The following MORC1 variants were observed in gnomAD, a reference collection of about 807,000 sequenced individuals.
MORC1 encodes the protein MORC family CW-type zinc finger protein 1.
Under a neutral mutation model 134.9 loss-of-function variants are expected in MORC1, and 59 were observed. The ratio of observed to expected loss-of-function variants is 0.44; its 90% CI spans 0.35 to 0.54. The LOEUF is 0.54. Among genes scored for constraint, MORC1 ranks in the 20% least tolerant of loss-of-function variants. The pLI is 0.00. For missense variants in MORC1, 947 were observed against 1,134.5 expected (o/e 0.83, Z 2.37); for synonymous variants, 395 against 391.7 (o/e 1.01, Z -0.10).
intron 17 of MORC1, among the ~76,000 whole-genome samples, chr3:109,009,412 GC>G (rs1202970269): frequency 6.6e-6 from 1 of 151,866 alleles, no homozygotes; most frequent in Non-Finnish European, 1.5e-5. Flanking sequence ...CACCATGTTG[GC>G]CAGGATGGTC....
chr3:108,997,494 G>A (rs1948266682), intron 21 of MORC1, among the ~76,000 whole-genome samples: 1 of 151,764 alleles, frequency 6.6e-6, no homozygotes, highest in South Asian at 2.1e-4. Context: ...GGTGACACAG[G>A]GAGACTCTGT....
intron 15 of MORC1, 64 bp from the exon 16 acceptor site, chr3:109,032,889 C>A: frequency 9.7e-7 from 1 of 1,027,560 alleles, no homozygotes; most frequent in South Asian, 1.4e-5. Context: ...AGTAAGATGT[C>A]AGTTTGCACA....
intron 6 of MORC1, among the ~76,000 whole-genome samples, chr3:109,096,292 C>A (rs1020142253): frequency 6.6e-6 from 1 of 152,100 alleles, no homozygotes. Context: ...ACCTACTGGG[C>A]TGCATGTTCA....
At chr3:109,096,767 C>A (rs1188680309) in intron 6 of MORC1, among the ~76,000 whole-genome samples, 3 of 152,134 alleles carry the variant, frequency 2.0e-5, no homozygotes, top group Non-Finnish European at 4.4e-5. Context: ...TATGAACTCG[C>A]CCTGAATTCC....
intron 16 of MORC1, among the ~76,000 whole-genome samples, chr3:109,031,873 G>A (rs913809598): frequency 6.6e-6 from 1 of 152,052 alleles, no homozygotes; most frequent in Non-Finnish European, 1.5e-5. Context: ...AAACAAGAAA[G>A]GGATACGAAA....
chr3:109,110,479 G>C (rs368669998), intron 3 of MORC1: 3 of 377,536 alleles, frequency 7.9e-6, no homozygotes, highest in African/African-American at 6.3e-5. Context: ...TGTTTCTCAT[G>C]GCAGGCAAAT....
chr3:109,033,222 G>A (rs2107610764), intron 15 of MORC1, among the ~76,000 whole-genome samples: 1 of 151,522 alleles, frequency 6.6e-6, no homozygotes, highest in East Asian at 1.9e-4. Flanking sequence ...ACATAAGAAG[G>A]AAAACCATGA....
intron 20 of MORC1, among the ~76,000 whole-genome samples, chr3:109,000,977 T>C (rs1319643562): frequency 1.3e-5 from 2 of 152,166 alleles, no homozygotes; most frequent in Admixed American, 1.3e-4. Context: ...AGTAATCAAA[T>C]GTTGTTTCAA....
intron 9 of MORC1, 133 bp downstream of exon 9, chr3:109,069,499 A>T (rs144967629): frequency 1.2e-5 from 10 of 848,956 alleles, no homozygotes; most frequent in Non-Finnish European, 1.0e-5. Flanking sequence ...CCCTTCCTGG[A>T]TGTGGTTTAA....
At chr3:109,101,475 C>T (rs2107780641) in intron 4 of MORC1, 1 of 152,314 alleles carries the variant, frequency 6.6e-6, no homozygotes, top group Non-Finnish European at 1.5e-5. Flanking sequence ...GTTGGCCTAC[C>T]TGAATACATG....
chr3:109,049,201 T>A, intron 14 of MORC1: 2 of 974,216 alleles, frequency 2.1e-6, no homozygotes, highest in Non-Finnish European at 2.4e-6. Flanking sequence ...GAGACTAAAT[T>A]GCATCATATG....
At position 109,095,913 on chromosome 3, in the gene MORC1, A is replaced by C. The variant is rs182216347; in HGVS notation, c.424-845T>G. 1.2e-4 allele frequency among the ~76,000 whole-genome samples: 18 copies of C among 152,224 alleles called. 1 individual carries two copies. The East Asian group carries it at 3.5e-3, about 29-fold the overall frequency. ...CCCCACTCACAGTCTCAGAGCTTGC[A>C]CTCGTCATTTTACTGGACTTATCTT... On this transcript the variant is annotated intron_variant, in intron 6 of 27. Coordinates refer to ENST00000232603, the MANE Select transcript of MORC1 (RefSeq NM_014429.4).
chr3:108,996,286 G>GCGCGCGCACACACA, intron 21 of MORC1, among the ~76,000 whole-genome samples: 120 of 146,468 alleles, frequency 8.2e-4, no homozygotes, highest in South Asian at 1.8e-3. Context: ...GCGCGCGCGC[G>GCGCGCGCACACACA]CACACACACA....
intron 2 of MORC1, among the ~76,000 whole-genome samples, chr3:109,112,556 T>C (rs562335639): frequency 8.0e-4 from 122 of 152,222 alleles, no homozygotes; most frequent in African/African-American, 2.7e-3. Flanking sequence ...GTTGAGGCTG[T>C]CCACGGGGGA....
chr3:109,117,913 T>C, intron 1 of MORC1, 82 bp downstream of exon 1: 2 of 1,106,124 alleles, frequency 1.8e-6, no homozygotes, highest in Non-Finnish European at 2.7e-6. Context: ...ACTTGCTGAG[T>C]ATTCCTCAGG....
chr3:109,070,961 C>T (rs1950303553), intron 8 of MORC1, among the ~76,000 whole-genome samples: 1 of 152,180 alleles, frequency 6.6e-6, no homozygotes, highest in African/African-American at 2.4e-5. Context: ...TAGTCCATCA[C>T]TCTTATTCCC....
chr3:109,109,443 T>A (rs372542235), intron 3 of MORC1, among the ~76,000 whole-genome samples: 42 of 152,292 alleles, frequency 2.8e-4, no homozygotes, highest in African/African-American at 1.0e-3. Flanking sequence ...TCATAATTAT[T>A]ACCTAGACAG....
chr3:109,083,267 T>A (rs1950556073), intron 8 of MORC1, among the ~76,000 whole-genome samples: 1 of 145,326 alleles, frequency 6.9e-6, no homozygotes. Context: ...CAAGAAATGC[T>A]AAAAGTATTT....
chr3:109,063,839 C>G (rs1265511644), intron 9 of MORC1, among the ~76,000 whole-genome samples: 1 of 152,012 alleles, frequency 6.6e-6, no homozygotes, highest in East Asian at 1.9e-4. Flanking sequence ...GTGAGAAAAG[C>G]TCTACAGAAC....
Sources: allele counts gnomAD v4.1 joint callset (sites outside exome capture counted in the v4.1 genomes callset), GRCh38; gene constraint gnomAD v4.1.1; transcripts MANE v1.5; gene names NCBI Gene and HGNC (gene_info 2026-07-23, HGNC 2026-07-21).